ZNF148: variants seen among roughly 807,000 people sequenced by gnomAD.
ZNF148 encodes the protein Beta-Enolase Repressor Factor-1.
A neutral mutation model predicts 67.7 loss-of-function variants in ZNF148; 7 were observed. The ratio of observed to expected loss-of-function variants is 0.10; its 90% CI spans 0.06 to 0.19. ZNF148 has a LOEUF of 0.19. Ranked by LOEUF, ZNF148 falls within the 10% of genes least tolerant of loss-of-function variation. The pLI is 1.00. For synonymous variants in ZNF148, 333 were observed against 330.7 expected (o/e 1.01, Z -0.08); for missense variants, 583 against 947.1 (o/e 0.62, Z 5.05).
At position 125,369,807 on chromosome 3, in the gene ZNF148, C is replaced by T. The variant is rs181509720; in HGVS notation, c.-234+5295G>A. ...CCTGGCCAGAATGGTGAAACCCCAC[C>T]TCTACTAAAAATACAAAAATTAGCT... On this transcript the variant is annotated intron_variant, in intron 1 of 8. Transcript: ENST00000360647. Among the ~76,000 whole-genome samples the T allele has an allele frequency of 2.2e-4, 34 of 152,126 alleles. 1 individual carries two copies. The highest frequency in any genetic ancestry group is 8.0e-4 in the African/African-American group (33 of 41,482).
intron 7 of ZNF148, among the ~76,000 whole-genome samples, chr3:125,273,866 T>C (rs1228594868): frequency 1.3e-5 from 2 of 152,208 alleles, no homozygotes; most frequent in East Asian, 1.9e-4. Flanking sequence ...TTATGAAAAC[T>C]GGCATAACTA....
chr3:125,330,389 C>A (rs1390482836), intron 2 of ZNF148, among the ~76,000 whole-genome samples: 1 of 147,598 alleles, frequency 6.8e-6, no homozygotes, highest in Non-Finnish European at 1.5e-5. Context: ...TCACTTGAGC[C>A]CCGCAGGTAG....
intron 2 of ZNF148, 133 bp downstream of exon 2, chr3:125,331,025 A>AT (rs1295286572): frequency 2.5e-6 from 1 of 394,284 alleles, no homozygotes; most frequent in Non-Finnish European, 4.5e-6. Context: ...CATGTTATTT[A>AT]TATGAATATA....
chr3:125,301,172 A>C (rs1939567244), intron 4 of ZNF148, among the ~76,000 whole-genome samples: 1 of 152,248 alleles, frequency 6.6e-6, no homozygotes, highest in Non-Finnish European at 1.5e-5. Context: ...TTAAATGTCT[A>C]AAATATTAAA....
In ZNF148 at chr3:125,228,981, G is replaced by T. The variant is rs1342061931; in HGVS notation, c.*3360C>A. ...AAGTTTAAGTGAAAAAAGGAAACACGGTTTTTATTTGCAGAATATAGCAAA... is the reference window on the plus strand; with the variant it reads ...AAGTTTAAGTGAAAAAAGGAAACACTGTTTTTATTTGCAGAATATAGCAAA... On this transcript the variant is annotated 3_prime_UTR_variant, in exon 9 of 9. Transcript: ENST00000360647. 6.6e-6 allele frequency: 1 copy of T among 152,396 alleles called. No homozygotes were observed. Among genetic ancestry groups the T allele is most frequent in the African/African-American group, 2.4e-5 (1 of 41,376 alleles). The allele number at this position is 152,396 out of a possible 1,614,324, so 9.4% of individuals were successfully genotyped here.
chr3:125,262,743 T>A (rs1937398133), intron 7 of ZNF148, among the ~76,000 whole-genome samples: 1 of 152,228 alleles, frequency 6.6e-6, no homozygotes. Context: ...AACTGCTATA[T>A]AATAGAGTAA....
At chr3:125,311,545 T>C (rs1461739987) in intron 4 of ZNF148, among the ~76,000 whole-genome samples, 2 of 152,190 alleles carry the variant, frequency 1.3e-5, no homozygotes, top group African/African-American at 2.4e-5. Flanking sequence ...GATAGTTGTA[T>C]GTAAATCTGC....
At chr3:125,288,905 C>T (rs984098252) in intron 4 of ZNF148, among the ~76,000 whole-genome samples, 2 of 152,086 alleles carry the variant, frequency 1.3e-5, no homozygotes, top group African/African-American at 4.8e-5. Flanking sequence ...TAGAGAAATA[C>T]TAGAAGAAAC....
chr3:125,268,065 G>C (rs1454218690), intron 7 of ZNF148, among the ~76,000 whole-genome samples: 1 of 151,944 alleles, frequency 6.6e-6, no homozygotes, highest in Admixed American at 6.6e-5. Context: ...GGAAATCACA[G>C]ATGACATAAA....
intron 3 of ZNF148, among the ~76,000 whole-genome samples, chr3:125,320,458 G>T (rs974690534): frequency 6.6e-6 from 1 of 152,140 alleles, no homozygotes; most frequent in South Asian, 2.1e-4. Context: ...GAGCATGAAA[G>T]AAATAAATAT....
intron 4 of ZNF148, among the ~76,000 whole-genome samples, chr3:125,300,825 T>C (rs1363408887): frequency 6.6e-6 from 1 of 152,220 alleles, no homozygotes; most frequent in Non-Finnish European, 1.5e-5. Context: ...TTGCTCTGTT[T>C]TGCTAATACA....
At chr3:125,288,275 A>T (rs1175364320) in intron 4 of ZNF148, 47 bp from the exon 5 acceptor site, 1 of 1,555,356 alleles carries the variant, frequency 6.4e-7, no homozygotes, top group Non-Finnish European at 8.7e-7. Flanking sequence ...TAAAAAGTTC[A>T]TTGTGACAAA....
chr3:125,315,950 C>G (rs2107679379), intron 3 of ZNF148, among the ~76,000 whole-genome samples: 1 of 152,176 alleles, frequency 6.6e-6, no homozygotes, highest in African/African-American at 2.4e-5. Context: ...AATAGTAGGT[C>G]TTATTCATTT....
At position 125,323,311 on chromosome 3, in the gene ZNF148, G is replaced by T; in HGVS notation, c.-19C>A. On this transcript the variant is annotated splice_region_variant and 5_prime_UTR_variant, in exon 3 of 9. Coordinates refer to ENST00000360647, the MANE Select transcript of ZNF148 (RefSeq NM_021964.3). ...TGAAAAATAAGTATTAAAATTACCC[G>T]AGACTAAGGTAAAAACGAAGACTTC... 3 of 614,426 alleles carry T rather than the reference G, an allele frequency of 4.9e-6. No individual in the cohort carries two copies. Among genetic ancestry groups the T allele is most frequent in the Non-Finnish European group, 8.6e-6 (3 of 347,724 alleles). 38.1% of individuals were successfully genotyped at this position (614,426 alleles called of 1,614,324 possible).
At chr3:125,301,002 GCTTT>G (rs1262021108) in intron 4 of ZNF148, among the ~76,000 whole-genome samples, 1 of 152,090 alleles carries the variant, frequency 6.6e-6, no homozygotes, top group Non-Finnish European at 1.5e-5. Flanking sequence ...GAGTTGAGAG[GCTTT>G]CTAATATAGT....
In ZNF148 at chr3:125,229,672, T is replaced by C. The variant is rs1203069522; in HGVS notation, c.*2669A>G. On this transcript the variant is annotated 3_prime_UTR_variant, in exon 9 of 9. Transcript: ENST00000360647. ...GTACCAGCATGTTTTTATAGAACAA[T>C]GTGCTCACTTTGAGAAATGAGAAAC... 1.3e-5 allele frequency: 2 copies of C among 152,156 alleles called. No homozygotes were observed. The highest frequency in any genetic ancestry group is 6.5e-5 in the Admixed American group (1 of 15,276). 9.4% of individuals were successfully genotyped at this position (152,156 alleles called of 1,614,324 possible).
chr3:125,314,593 A>C (rs1487802123), intron 3 of ZNF148, among the ~76,000 whole-genome samples: 1 of 152,230 alleles, frequency 6.6e-6, no homozygotes, highest in African/African-American at 2.4e-5. Flanking sequence ...TACTGAAATG[A>C]ACAGCTCAAA....
Position 125,225,749 on chromosome 3 carries a change from C to T in ZNF148, c.*6592G>A, listed in dbSNP as rs907597370. 1.3e-5 allele frequency: 2 copies of T among 152,250 alleles called. No individual in the cohort carries two copies. The highest frequency in any genetic ancestry group is 4.2e-4 in the South Asian group (2 of 4,812). 9.4% of individuals were successfully genotyped at this position (152,250 alleles called of 1,614,324 possible). A position where few individuals can be genotyped will look rare whatever the true frequency, so the allele number is the denominator to read the frequency against. On this transcript the variant is annotated 3_prime_UTR_variant, in exon 9 of 9. Transcript: ENST00000360647. ...TATCATGTAGAATATCTCCCCTCCC[C>T]TCTCCCCACCATTCCTAATCATTCA... is the stretch of plus-strand genomic sequence containing the variant.
intron 4 of ZNF148, among the ~76,000 whole-genome samples, chr3:125,290,487 A>C (rs770924004): frequency 1.3e-5 from 2 of 152,138 alleles, no homozygotes; most frequent in South Asian, 2.1e-4. Context: ...CCCCAAAATA[A>C]AGTCTTACTT....
Sources: allele counts gnomAD v4.1 joint callset (sites outside exome capture counted in the v4.1 genomes callset), GRCh38; gene constraint gnomAD v4.1.1; transcripts MANE v1.5; gene names NCBI Gene and HGNC (gene_info 2026-07-23, HGNC 2026-07-21).